The following PLEKHA4 variants were observed in gnomAD, a reference collection of about 807,000 sequenced individuals.
The protein encoded by PLEKHA4 is pleckstrin homology domain containing A4, also known as pleckstrin homology domain-containing family A member 4.
PLEKHA4 carries 73 observed loss-of-function variants against 94.7 expected under a neutral mutation model. That is an observed-to-expected ratio of 0.77 (90% CI 0.64 to 0.94). The LOEUF (loss-of-function observed/expected upper bound fraction) is 0.94. Ranked by LOEUF, PLEKHA4 falls within the 40% of genes least tolerant of loss-of-function variation. The pLI is 0.00. For missense variants in PLEKHA4, 1,049 were observed against 1,054.1 expected, an observed-to-expected ratio of 1.00 and a Z score of 0.07; for synonymous variants, 449 against 437.1, an observed-to-expected ratio of 1.03 and a Z score of -0.34.
intron 14 of PLEKHA4, among the ~76,000 whole-genome samples, 173 bp downstream of exon 14, chr19:48,847,727 G>A (rs73061617): frequency 0.1 from 15,353 of 152,084 alleles, 1,044 homozygotes; most frequent in Non-Finnish European, 0.15. Context: ...GTGAGACTAC[G>A]TCTCAAAAAA....
intron 6 of PLEKHA4, 93 bp from the exon 7 acceptor site, chr19:48,859,777 A>C: frequency 8.4e-7 from 1 of 1,189,896 alleles, no homozygotes; most frequent in Non-Finnish European, 1.2e-6. Context: ...ATGCACCCAA[A>C]AAAGGAAAGT....
Position 48,838,104 on chromosome 19 carries a change from G to A in PLEKHA4, c.1990C>T (p.Pro664Ser), listed in dbSNP as rs2035609207. 6.2e-7 allele frequency: 1 copy of A among 1,612,310 alleles called. No individual in the cohort carries two copies. Among genetic ancestry groups the A allele is most frequent in the Admixed American group, 1.7e-5 (1 of 59,786 alleles). ...CGCTCCCGGTGACCTTCGGAAGTCG[G>A]CAAGTAAGGGGTGGTGTTCCTTGGA... ...SSPRNTTPYL[P>S]TSEGHRERVL... Residue 664 changes from proline to serine, a missense_variant, in exon 19 of 20, where the codon CCG (proline) becomes TCG (serine). By Grantham distance (74) the Pro-to-Ser change is moderately conservative. Coordinates refer to ENST00000263265, the MANE Select transcript of PLEKHA4 (RefSeq NM_020904.3).
chr19:48,852,218 A>G lies in PLEKHA4; in HGVS notation c.1425+10T>C. On this transcript the variant is annotated intron_variant, in intron 13 of 19. Transcript: ENST00000263265. ...GGGGTGGGTCTTGGGGTCTCCAAGC[A>G]GCGATTTACCTGGGGAGAACCAAGG... is the stretch of plus-strand genomic sequence containing the variant. 6.2e-7 allele frequency: 1 copy of G among 1,611,120 alleles called. No homozygotes were observed. Among genetic ancestry groups the G allele is most frequent in the Non-Finnish European group, 8.5e-7 (1 of 1,177,294 alleles).
At chr19:48,855,576 C>A (rs2036370603) in intron 9 of PLEKHA4, among the ~76,000 whole-genome samples, 1 of 151,492 alleles carries the variant, frequency 6.6e-6, no homozygotes, top group South Asian at 2.1e-4. Context: ...TGCACTCCAG[C>A]CCGGGTGACA....
At chr19:48,862,206 T>C (rs1372752844) in intron 3 of PLEKHA4, among the ~76,000 whole-genome samples, 7 of 145,348 alleles carry the variant, frequency 4.8e-5, no homozygotes, top group African/African-American at 1.0e-4. Context: ...TTCTCTCTCT[T>C]TTTTTTTTTT....
At chr19:48,852,441 G>A in intron 12 of PLEKHA4, 115 bp from the exon 13 acceptor site, 1 of 747,612 alleles carries the variant, frequency 1.3e-6, no homozygotes, top group Non-Finnish European at 2.3e-6. Flanking sequence ...CTGGAGCCCT[G>A]CAGGCGTATG....
In PLEKHA4 at chr19:48,858,627, C is replaced by CAAAAAAA. The variant is rs56663437; in HGVS notation, c.972+226_972+232dup. 2.5e-4 allele frequency among the ~76,000 whole-genome samples: 16 copies of CAAAAAAA among 63,446 alleles called. 1 individual carries two copies. Among genetic ancestry groups the CAAAAAAA allele is most frequent in the African/African-American group, 1.1e-3 (10 of 9,246 alleles). The allele number at this position is 63,446 out of a possible 152,430, so 41.6% of individuals were successfully genotyped here. ...TGGCGACAGAGCAAGACCTCAGTCT[C>CAAAAAAA]AAAAAAAAAAAAAAAAAGCAATGGC... On this transcript the variant is annotated intron_variant, in intron 8 of 19. Transcript: ENST00000263265.
At position 48,837,656 on chromosome 19, in the gene PLEKHA4, C is replaced by T. The variant is rs909477555; in HGVS notation, c.2078-105G>A. The T allele has an allele frequency of 1.4e-6, 2 of 1,394,064 alleles. No homozygotes were observed. Among genetic ancestry groups the T allele is most frequent in the African/African-American group, 2.9e-5 (2 of 69,008 alleles). The allele number at this position is 1,394,064 out of a possible 1,614,324, so 86.4% of individuals were successfully genotyped here. A position where few individuals can be genotyped will look rare whatever the true frequency, so the allele number is the denominator to read the frequency against. ...CCAGGACTCCGGATTCCCAGCCCCTCCTCCATCAGACCCAGGAGTCCAGGC... is the reference window on the plus strand; with the variant it reads ...CCAGGACTCCGGATTCCCAGCCCCTTCTCCATCAGACCCAGGAGTCCAGGC... On this transcript the variant is annotated intron_variant, in intron 19 of 19. Transcript: ENST00000263265. The surrounding 1 kb of genome is among the most constrained non-coding windows in gnomAD (Gnocchi z 4.3).
At chr19:48,847,560 C>T (rs538124199) in intron 14 of PLEKHA4, among the ~76,000 whole-genome samples, 1 of 152,242 alleles carries the variant, frequency 6.6e-6, no homozygotes, top group African/African-American at 2.4e-5. Flanking sequence ...GGTGAAACTC[C>T]GTTTCTACTA....
Position 48,859,073 on chromosome 19 carries a change from C to T in PLEKHA4, c.759G>A (p.Ala253=), listed in dbSNP as rs1397469154. The T allele has an allele frequency of 2.3e-6, 3 of 1,318,476 alleles. No homozygotes were observed. The highest frequency in any genetic ancestry group is 3.0e-6 in the Non-Finnish European group (3 of 1,012,710). 81.7% of individuals were successfully genotyped at this position (1,318,476 alleles called of 1,614,324 possible). ...LSLPRPRSAP[A]RRPPAPSGDT... ...CTCCTGAGGGGGCAGGGGGTCGCCG[C>T]GCAGGGGCAGAACGGGGACGGGGGA... The change falls in exon 8 of 20, where the codon GCG becomes GCA. Residue 253 remains alanine, a synonymous_variant. Coordinates refer to ENST00000263265, the MANE Select transcript of PLEKHA4 (RefSeq NM_020904.3).
chr19:48,865,886 C>T (rs542630519), intron 2 of PLEKHA4, among the ~76,000 whole-genome samples: 49 of 151,558 alleles, frequency 3.2e-4, no homozygotes, highest in South Asian at 6.3e-4. Flanking sequence ...TGGTGGCGGG[C>T]GCCTGTAGTC....
Position 48,867,574 on chromosome 19 carries a change from G to A in PLEKHA4, c.47C>T (p.Ala16Val), listed in dbSNP as rs777507599. 1 of 1,602,956 alleles carries A rather than the reference G, an allele frequency of 6.2e-7. No homozygotes were observed. Among genetic ancestry groups the A allele is most frequent in the Non-Finnish European group, 8.5e-7 (1 of 1,176,948 alleles). The change falls in exon 2 of 20, where the codon GCC becomes GTC. Residue 16 changes from alanine to valine, a missense_variant. Ala to Val is a moderately conservative substitution (Grantham distance 64). Transcript: ENST00000263265. This position sits in a 1 kb window ranked among gnomAD's most constrained non-coding sequence, Gnocchi z 4.7. Reference protein sequence around the residue: ...PRSSLSLASSASTISSLSSLS... With the variant: ...PRSSLSLASSVSTISSLSSLS... ...GCTGCTGAGCGAGGAGATGGTGGAG[G>A]CGCTGCTGGCCAGGCTCAGGCTGCT...
At chr19:48,848,268 C>G (rs551242929) in intron 13 of PLEKHA4, among the ~76,000 whole-genome samples, 1 of 151,124 alleles carries the variant, frequency 6.6e-6, no homozygotes, top group Non-Finnish European at 1.5e-5. Context: ...GGGCGGATCA[C>G]GAGGTCAGGA....
chr19:48,844,167 A>T (rs1599872727), intron 16 of PLEKHA4, among the ~76,000 whole-genome samples: 1 of 108,874 alleles, frequency 9.2e-6, no homozygotes, highest in African/African-American at 3.5e-5. Flanking sequence ...TATTATTATT[A>T]TTTTCGAGAC....
intron 18 of PLEKHA4, 141 bp downstream of exon 18, chr19:48,839,064 G>A (rs2035655200): frequency 2.1e-6 from 1 of 466,958 alleles, no homozygotes; most frequent in Non-Finnish European, 3.8e-6. Context: ...TTTTGTTGCA[G>A]ATGCCCCGGG....
intron 13 of PLEKHA4, among the ~76,000 whole-genome samples, chr19:48,851,814 T>A (rs936103770): frequency 1.3e-5 from 2 of 151,878 alleles, no homozygotes; most frequent in Admixed American, 1.3e-4. Flanking sequence ...CATGGTGGCA[T>A]GTGCCTGAAA....
chr19:48,840,186 AG>A (rs907642522), intron 17 of PLEKHA4, among the ~76,000 whole-genome samples: 1 of 151,940 alleles, frequency 6.6e-6, no homozygotes, highest in Non-Finnish European at 1.5e-5. Flanking sequence ...CTTCCAAGGC[AG>A]GAGGATCACT....
intron 13 of PLEKHA4, 82 bp downstream of exon 13, chr19:48,852,146 G>C (rs2036219089): frequency 9.1e-7 from 1 of 1,099,244 alleles, no homozygotes; most frequent in Non-Finnish European, 1.4e-6. Context: ...CGATTCTGTG[G>C]GCGAAGATTA....
rs370661091 is a variant in PLEKHA4, at chr19:48,856,490, C to T, written c.1047+932G>A. ...ATCCCAGCACTTTGGGAGGCCGAGG[C>T]GGGAGGATCACGAGGTTAGGAGTTC... is the stretch of plus-strand genomic sequence containing the variant. On this transcript the variant is annotated intron_variant, in intron 9 of 19. Transcript: ENST00000263265. 1.6e-4 allele frequency among the ~76,000 whole-genome samples: 24 copies of T among 151,820 alleles called. 1 individual carries two copies. In the South Asian group the frequency reaches 1.9e-3, roughly 12 times the overall value.
Sources: gnomAD v4.1 joint callset for allele counts (sites outside exome capture counted in the v4.1 genomes callset) on GRCh38, gnomAD v4.1.1 for gene constraint, Gnocchi (gnomAD v3.1) non-coding constraint, MANE v1.5 for transcripts, NCBI Gene and HGNC (gene_info 2026-07-23, HGNC 2026-07-21) for gene names.